Variants in GOLM2 observed in about 807,000 individuals in gnomAD.
The protein encoded by GOLM2 is protein GOLM2.
In GOLM2, 26 loss-of-function variants were observed where a neutral mutation model predicts 55.9. The ratio of observed to expected loss-of-function variants is 0.47; its 90% CI spans 0.34 to 0.65. GOLM2 has a LOEUF of 0.65. GOLM2 is among the 30% of genes least tolerant of loss of function. The pLI is 0.01. For missense variants in GOLM2, 486 were observed against 531.8 expected, an observed-to-expected ratio of 0.91 and a Z score of 0.85; for synonymous variants, 165 against 194.6, an observed-to-expected ratio of 0.85 and a Z score of 1.27.
At chr15:44,293,828 A>G (rs2078737630) in intron 1 of GOLM2, among the ~76,000 whole-genome samples, 2 of 152,314 alleles carry the variant, frequency 1.3e-5, no homozygotes, top group Admixed American at 6.5e-5. Context: ...AAGTATGTTC[A>G]CCCTCACTTA....
At chr15:44,405,000 C>G (rs2079588754) in intron 9 of GOLM2, among the ~76,000 whole-genome samples, 1 of 152,080 alleles carries the variant, frequency 6.6e-6, no homozygotes, top group Non-Finnish European at 1.5e-5. Context: ...TCTTTGTTGT[C>G]AATCATTTCT....
At chr15:44,391,297 G>A (rs1163891475) in intron 8 of GOLM2, among the ~76,000 whole-genome samples, 2 of 151,948 alleles carry the variant, frequency 1.3e-5, no homozygotes, top group African/African-American at 2.4e-5. Flanking sequence ...GGCAGATCAC[G>A]AGGTCGGGAG....
intron 6 of GOLM2, chr15:44,355,160 C>T (rs1434679806): frequency 2.0e-5 from 4 of 197,830 alleles, no homozygotes; most frequent in Non-Finnish European, 4.2e-5. Context: ...GCTTAGCATT[C>T]TCTGACCAAG....
At chr15:44,307,943 A>T (rs2078849746) in intron 1 of GOLM2, 2 of 152,158 alleles carry the variant, frequency 1.3e-5, no homozygotes, top group African/African-American at 2.4e-5. Context: ...GTAGAATAGG[A>T]GAGTGTAATA....
At chr15:44,362,593 A>T (rs1425985891) in intron 6 of GOLM2, among the ~76,000 whole-genome samples, 2 of 152,298 alleles carry the variant, frequency 1.3e-5, no homozygotes, top group Non-Finnish European at 2.9e-5. Flanking sequence ...GGAAGAATCG[A>T]TATCATGAAA....
At chr15:44,343,331 A>C (rs963920964) in intron 6 of GOLM2, among the ~76,000 whole-genome samples, 17 of 151,772 alleles carry the variant, frequency 1.1e-4, no homozygotes, top group African/African-American at 4.1e-4. Flanking sequence ...AAAAAAAAAA[A>C]CCAACTTAGT....
rs549738236 is a variant in GOLM2 at position 44,397,466 on chromosome 15, G to A, written c.1073-5421G>A. On this transcript the variant is annotated intron_variant, in intron 8 of 9. Transcript: ENST00000299957. ...TGCACTCCAGCCTGGGTGACAGAGC[G>A]AGACTCCGTCTCAAAAAAAAAAAAA... Among the ~76,000 whole-genome samples, 609 of 118,358 alleles carry A rather than the reference G, an allele frequency of 5.1e-3. 3 individuals carry two copies. Among genetic ancestry groups the A allele is most frequent in the African/African-American group, 0.019 (575 of 29,800 alleles). The allele number at this position is 118,358 out of a possible 152,430, so 77.6% of individuals were successfully genotyped here. A position where few individuals can be genotyped will look rare whatever the true frequency, so the allele number is the denominator to read the frequency against.
intron 8 of GOLM2, among the ~76,000 whole-genome samples, chr15:44,393,830 T>G (rs991143424): frequency 2.6e-5 from 4 of 152,154 alleles, no homozygotes; most frequent in African/African-American, 9.7e-5. Context: ...TAGCTGAGAT[T>G]ACAGGTGCAT....
chr15:44,343,779 G>A (rs118038295), intron 6 of GOLM2, among the ~76,000 whole-genome samples: 7,067 of 148,460 alleles, frequency 0.048, 276 homozygotes, highest in East Asian at 0.2. Context: ...AACTGAGATC[G>A]CGCCACTACA....
chr15:44,306,394 A>AG (rs2078837536), intron 1 of GOLM2, among the ~76,000 whole-genome samples: 1 of 152,096 alleles, frequency 6.6e-6, no homozygotes, highest in Admixed American at 6.6e-5. Flanking sequence ...ATAGAATTGA[A>AG]GAGAGTTAAG....
intron 6 of GOLM2, among the ~76,000 whole-genome samples, chr15:44,364,741 T>A (rs1394829867): frequency 6.6e-6 from 1 of 151,012 alleles, no homozygotes; most frequent in African/African-American, 2.4e-5. Flanking sequence ...AAAAATGGAC[T>A]GAAAACCTAA....
At chr15:44,343,958 T>C (rs1021373344) in intron 6 of GOLM2, among the ~76,000 whole-genome samples, 1 of 151,794 alleles carries the variant, frequency 6.6e-6, no homozygotes, top group African/African-American at 2.4e-5. Context: ...TATCTTTAAA[T>C]ATACCTCTGA....
At chr15:44,320,514 A>G (rs2078941711) in intron 1 of GOLM2, among the ~76,000 whole-genome samples, 1 of 152,086 alleles carries the variant, frequency 6.6e-6, no homozygotes, top group African/African-American at 2.4e-5. Context: ...TGTGTTGGCC[A>G]GGCTGGTCTT....
At chr15:44,348,100 A>G (rs1374201742) in intron 6 of GOLM2, among the ~76,000 whole-genome samples, 2 of 151,836 alleles carry the variant, frequency 1.3e-5, no homozygotes, top group Non-Finnish European at 2.9e-5. Flanking sequence ...ACTCTGAGAC[A>G]TGCTGGCTTC....
rs369249731 is a variant in GOLM2, at chr15:44,336,078, G to A, written c.577-1685G>A. 7.9e-5 allele frequency among the ~76,000 whole-genome samples: 12 copies of A among 152,092 alleles called. No homozygotes were observed. The East Asian group carries it at 2.3e-3, about 29-fold the overall frequency. ...TCCACCCGCCTCTGCCTCCCAAAGT[G>A]GTGGGATTACAGGCATGAACCACCG... is the stretch of plus-strand genomic sequence containing the variant. On this transcript the variant is annotated intron_variant, in intron 4 of 9. Coordinates refer to ENST00000299957, the MANE Select transcript of GOLM2 (RefSeq NM_138423.4).
At chr15:44,404,465 T>C (rs987626642) in intron 9 of GOLM2, among the ~76,000 whole-genome samples, 3 of 152,114 alleles carry the variant, frequency 2.0e-5, no homozygotes, top group African/African-American at 7.2e-5. Flanking sequence ...TTATAAGAAT[T>C]TTTCAAACAC....
chr15:44,322,420 GT>G lies in GOLM2; in HGVS notation c.328-544del, dbSNP rs201834858. On this transcript the variant is annotated intron_variant, in intron 1 of 9. Coordinates refer to ENST00000299957, the MANE Select transcript of GOLM2 (RefSeq NM_138423.4). ...ACTTCTGATTAATGTGAATCTGCCT[GT>G]GCCTTCCAAAGTAAAGTTACTTTGG... is the stretch of plus-strand genomic sequence containing the variant. 7.4e-3 allele frequency among the ~76,000 whole-genome samples: 1,122 copies of G among 152,280 alleles called. 12 individuals carry two copies. The highest frequency in any genetic ancestry group is 0.026 in the African/African-American group (1,073 of 41,542).
In GOLM2 at chr15:44,364,495, C is replaced by T. The variant is rs184889762; in HGVS notation, c.803-15195C>T. The stretch of plus-strand genomic sequence containing the variant: ...AGCTTGCAGTGAGCCGAGATCGCGC[C>T]ACTGCACTCTAGCCTGGGTGACAGC... On this transcript the variant is annotated intron_variant, in intron 6 of 9. Transcript: ENST00000299957. Among the ~76,000 whole-genome samples the T allele has an allele frequency of 4.5e-3, 680 of 151,986 alleles. 4 individuals carry two copies. Among genetic ancestry groups the T allele is most frequent in the African/African-American group, 0.016 (648 of 41,462 alleles).
chr15:44,373,828 C>T (rs991711179), intron 6 of GOLM2, among the ~76,000 whole-genome samples: 1 of 152,020 alleles, frequency 6.6e-6, no homozygotes, highest in Non-Finnish European at 1.5e-5. Context: ...TGGCTGGGTG[C>T]GATGGCTCAC....
Sources: allele counts gnomAD v4.1 joint callset (sites outside exome capture counted in the v4.1 genomes callset), GRCh38; gene constraint gnomAD v4.1.1; transcripts MANE v1.5; gene names NCBI Gene and HGNC (gene_info 2026-07-23, HGNC 2026-07-21).